GBE1: variants seen among roughly 807,000 people sequenced by gnomAD.
GBE1 encodes the protein 1,4-alpha-glucan-branching enzyme.
In GBE1, 70 loss-of-function variants were observed where a neutral mutation model predicts 88.8. That is an observed-to-expected ratio of 0.79 (90% CI 0.65 to 0.96). GBE1 has a LOEUF of 0.96. Ranked by LOEUF, GBE1 falls within the 40% of genes least tolerant of loss-of-function variation. The pLI, the probability that GBE1 is intolerant of heterozygous loss-of-function variation, is 0.00. For missense variants in GBE1, 872 were observed against 871.0 expected (o/e 1.00, Z -0.01); for synonymous variants, 284 against 300.1 (o/e 0.95, Z 0.56).
Position 81,632,447 on chromosome 3 carries a change from A to G in GBE1, c.992+10334T>C, listed in dbSNP as rs574485781. Among the ~76,000 whole-genome samples, 4 of 152,304 alleles carry G rather than the reference A, an allele frequency of 2.6e-5. No homozygotes were observed. The South Asian group carries it at 8.3e-4, about 32-fold the overall frequency. On this transcript the variant is annotated intron_variant, in intron 7 of 15. Transcript: ENST00000429644. ...GAAGACATTTATGTGGCCAACAAAG[A>G]TGAAAAAAAAGCTCATCATCACTGG... is the stretch of plus-strand genomic sequence containing the variant.
At chr3:81,621,803 T>C (rs955824116) in intron 7 of GBE1, among the ~76,000 whole-genome samples, 5 of 152,142 alleles carry the variant, frequency 3.3e-5, no homozygotes, top group Non-Finnish European at 5.9e-5. Context: ...CCATATTTCC[T>C]CTCACCTGGA....
chr3:81,651,691 C>A (rs1704853442), intron 3 of GBE1, among the ~76,000 whole-genome samples: 1 of 152,170 alleles, frequency 6.6e-6, no homozygotes, highest in African/African-American at 2.4e-5. Context: ...ATACTATAAA[C>A]CAGTTTTCCG....
chr3:81,718,785 C>T (rs1258495303), intron 1 of GBE1, among the ~76,000 whole-genome samples: 1 of 151,836 alleles, frequency 6.6e-6, no homozygotes, highest in Non-Finnish European at 1.5e-5. Flanking sequence ...TACAGGCATG[C>T]ACCACCACAC....
chr3:81,639,737 C>A (rs1306084390), intron 7 of GBE1, among the ~76,000 whole-genome samples: 3 of 152,094 alleles, frequency 2.0e-5, no homozygotes, highest in African/African-American at 7.2e-5. Flanking sequence ...TGTGAGAAAG[C>A]CCAAGTTGTC....
At chr3:81,750,629 A>ATG (rs1559708761) in intron 1 of GBE1, among the ~76,000 whole-genome samples, 2 of 40,278 alleles carry the variant, frequency 5.0e-5, no homozygotes, top group African/African-American at 3.2e-4. Flanking sequence ...ATATATATAT[A>ATG]CGTATATATA....
At chr3:81,643,121 G>A in intron 6 of GBE1, 131 bp from the exon 7 acceptor site, 3 of 639,458 alleles carry the variant, frequency 4.7e-6, no homozygotes, top group Non-Finnish European at 8.2e-6. Flanking sequence ...CATGATACCT[G>A]GATACAACTC....
chr3:81,668,281 C>T (rs1437219848), intron 3 of GBE1, among the ~76,000 whole-genome samples: 11 of 151,948 alleles, frequency 7.2e-5, no homozygotes, highest in South Asian at 6.2e-4. Context: ...CCATGGCACA[C>T]GTATATCTAT....
intron 6 of GBE1, among the ~76,000 whole-genome samples, chr3:81,644,791 T>C (rs889747884): frequency 6.6e-6 from 1 of 152,114 alleles, no homozygotes; most frequent in Non-Finnish European, 1.5e-5. Flanking sequence ...AGGTAAAAGA[T>C]AATTGCAAGT....
intron 12 of GBE1, among the ~76,000 whole-genome samples, chr3:81,568,982 A>AC (rs889924617): frequency 3.3e-5 from 5 of 151,622 alleles, no homozygotes; most frequent in East Asian, 1.9e-4. Flanking sequence ...TCCAGCTACC[A>AC]CCCCCCCAAA....
intron 3 of GBE1, among the ~76,000 whole-genome samples, chr3:81,665,535 CAAAA>C (rs1244162448): frequency 4.4e-5 from 4 of 90,072 alleles, no homozygotes; most frequent in African/African-American, 3.7e-5. Context: ...GACTCCGTCT[CAAAA>C]AAAAAAAAAA....
chr3:81,531,750 C>T (rs529421294), intron 14 of GBE1, among the ~76,000 whole-genome samples: 1 of 152,120 alleles, frequency 6.6e-6, no homozygotes, highest in East Asian at 1.9e-4. Flanking sequence ...TTGTGTACCC[C>T]ATGTCCACTG....
chr3:81,652,653 A>G (rs1576186299), intron 3 of GBE1, among the ~76,000 whole-genome samples: 1 of 152,180 alleles, frequency 6.6e-6, no homozygotes, highest in East Asian at 1.9e-4. Flanking sequence ...TTTTGCAAGT[A>G]TTTTTGTTAT....
chr3:81,711,467 T>C (rs145394480), intron 1 of GBE1, among the ~76,000 whole-genome samples: 1 of 152,256 alleles, frequency 6.6e-6, no homozygotes, highest in East Asian at 1.9e-4. Flanking sequence ...CCTTTCCCCA[T>C]TTCTTGTTTT....
chr3:81,571,209 T>C (rs988870957), intron 12 of GBE1, among the ~76,000 whole-genome samples: 3 of 152,200 alleles, frequency 2.0e-5, no homozygotes, highest in Admixed American at 1.3e-4. Context: ...TTTTACTTAT[T>C]TCCTCCTTTT....
chr3:81,722,894 G>GTATATATATA (rs757742488), intron 1 of GBE1, among the ~76,000 whole-genome samples: 2,752 of 134,644 alleles, frequency 0.02, 78 homozygotes, highest in East Asian at 0.14. Context: ...GTGTGTGTGT[G>GTATATATATA]TGTATATATA....
intron 7 of GBE1, among the ~76,000 whole-genome samples, chr3:81,634,207 C>T (rs2107041652): frequency 6.6e-6 from 1 of 152,298 alleles, no homozygotes; most frequent in African/African-American, 2.4e-5. Flanking sequence ...TCCAAACTTT[C>T]CATGATATTC....
At chr3:81,596,188 G>A (rs1480299729) in intron 7 of GBE1, among the ~76,000 whole-genome samples, 1 of 151,700 alleles carries the variant, frequency 6.6e-6, no homozygotes, top group Non-Finnish European at 1.5e-5. Context: ...CCAAATATCA[G>A]GAAATGGATC....
chr3:81,529,199 A>G (rs1352810871), intron 14 of GBE1, among the ~76,000 whole-genome samples: 4 of 152,068 alleles, frequency 2.6e-5, no homozygotes, highest in Admixed American at 6.6e-5. Flanking sequence ...CAACTTAACT[A>G]TGATTGCAAA....
intron 14 of GBE1, among the ~76,000 whole-genome samples, chr3:81,522,238 C>T (rs1378174823): frequency 1.3e-5 from 2 of 151,564 alleles, no homozygotes; most frequent in East Asian, 1.9e-4. Flanking sequence ...CAGGTGTTAG[C>T]CTCAGAGTAC....
Sources: allele counts gnomAD v4.1 joint callset (sites outside exome capture counted in the v4.1 genomes callset), GRCh38; gene constraint gnomAD v4.1.1; transcripts MANE v1.5; gene names NCBI Gene and HGNC (gene_info 2026-07-23, HGNC 2026-07-21).